Variants in RASSF8 observed in about 807,000 individuals in gnomAD.
RASSF8 encodes the protein ras association domain-containing protein 8.
Under a neutral mutation model 48.5 loss-of-function variants are expected in RASSF8, and 22 were observed. The ratio of observed to expected loss-of-function variants is 0.45; its 90% confidence interval spans 0.32 to 0.65. RASSF8 has a LOEUF of 0.65. Ranked by LOEUF, RASSF8 falls within the 30% of genes least tolerant of loss-of-function variation. The pLI is 0.03. For missense variants in RASSF8, 418 were observed against 489.2 expected, an observed-to-expected ratio of 0.85 and a Z score of 1.37; for synonymous variants, 127 against 171.5, an observed-to-expected ratio of 0.74 and a Z score of 2.03.
At chr12:25,974,056 G>A (rs1941546145) in intron 1 of RASSF8, among the ~76,000 whole-genome samples, 1 of 152,030 alleles carries the variant, frequency 6.6e-6, no homozygotes. Context: ...GAGAAGTTTG[G>A]GGCAAGTGTT....
chr12:26,054,762 G>A (rs535063094), intron 2 of RASSF8, among the ~76,000 whole-genome samples: 3 of 152,276 alleles, frequency 2.0e-5, no homozygotes, highest in Non-Finnish European at 2.9e-5. Context: ...TTTTAAATCA[G>A]GAATGTGAGC....
At chr12:26,057,233 T>G (rs1228567891) in intron 3 of RASSF8, among the ~76,000 whole-genome samples, 1 of 152,052 alleles carries the variant, frequency 6.6e-6, no homozygotes, top group African/African-American at 2.4e-5. Flanking sequence ...CTGCACCCAT[T>G]AAGTCATTTA....
chr12:25,982,892 G>T (rs945163560), intron 1 of RASSF8, among the ~76,000 whole-genome samples: 1 of 152,214 alleles, frequency 6.6e-6, no homozygotes, highest in Non-Finnish European at 1.5e-5. Context: ...GAGGTTTTCA[G>T]TTCTAATTTA....
chr12:25,963,398 T>C (rs1483832280), intron 1 of RASSF8, among the ~76,000 whole-genome samples: 2 of 151,786 alleles, frequency 1.3e-5, no homozygotes, highest in African/African-American at 4.8e-5. Flanking sequence ...ATTTTTGTCA[T>C]GTGGTTGCTC....
At chr12:26,078,422 C>T (rs943789246) in intron 5 of RASSF8, among the ~76,000 whole-genome samples, 1 of 152,128 alleles carries the variant, frequency 6.6e-6, no homozygotes, top group African/African-American at 2.4e-5. Context: ...CCACATCAGG[C>T]TTCAGTGAGA....
At position 26,055,290 on chromosome 12, in the gene RASSF8, A is replaced by T; in HGVS notation, c.-54A>T. ...CCGTGTTCCTGCAGCTAGAGACATGACCTAACACCCTGATGACCACTCTCA... is the reference window on the plus strand; with the variant it reads ...CCGTGTTCCTGCAGCTAGAGACATGTCCTAACACCCTGATGACCACTCTCA... On this transcript the variant is annotated 5_prime_UTR_variant, in exon 3 of 6. Coordinates refer to ENST00000689635, the MANE Select transcript of RASSF8 (RefSeq NM_001394098.1). The T allele has an allele frequency of 7.0e-7, 1 of 1,426,646 alleles. No individual in the cohort carries two copies. Among genetic ancestry groups the T allele is most frequent in the Non-Finnish European group, 9.9e-7 (1 of 1,009,164 alleles). The allele number at this position is 1,426,646 out of a possible 1,614,324, so 88.4% of individuals were successfully genotyped here.
At chr12:26,048,984 C>T (rs1397360217) in intron 2 of RASSF8, among the ~76,000 whole-genome samples, 1 of 152,136 alleles carries the variant, frequency 6.6e-6, no homozygotes, top group Non-Finnish European at 1.5e-5. Flanking sequence ...TCTCGAACTC[C>T]TGACCTCAGG....
chr12:26,016,763 A>G (rs1029333225), intron 2 of RASSF8, among the ~76,000 whole-genome samples: 1 of 152,102 alleles, frequency 6.6e-6, no homozygotes. Context: ...TTCTTGCCTA[A>G]TGTTACTTGA....
intron 2 of RASSF8, among the ~76,000 whole-genome samples, chr12:26,001,648 CTT>C (rs376526039): frequency 1.3e-5 from 2 of 152,042 alleles, no homozygotes; most frequent in African/African-American, 4.8e-5. Context: ...ACCAATATCA[CTT>C]TTCACCTCCA....
intron 2 of RASSF8, among the ~76,000 whole-genome samples, chr12:26,049,815 G>C (rs555579598): frequency 6.6e-6 from 1 of 152,122 alleles, no homozygotes; most frequent in South Asian, 2.1e-4. Flanking sequence ...ACGGAGTCTC[G>C]CTCTGTCACC....
chr12:26,026,436 G>A (rs980030018), intron 2 of RASSF8, among the ~76,000 whole-genome samples: 3 of 152,020 alleles, frequency 2.0e-5, no homozygotes, highest in Non-Finnish European at 4.4e-5. Flanking sequence ...ATATTAGTTA[G>A]TTTATTTTTT....
At chr12:25,994,485 G>A (rs1337387555) in intron 1 of RASSF8, among the ~76,000 whole-genome samples, 1 of 152,144 alleles carries the variant, frequency 6.6e-6, no homozygotes, top group Non-Finnish European at 1.5e-5. Flanking sequence ...CACAGCATTA[G>A]GCAGTAAAAT....
intron 2 of RASSF8, among the ~76,000 whole-genome samples, chr12:26,026,366 A>G (rs943016482): frequency 2.0e-5 from 3 of 152,354 alleles, no homozygotes; most frequent in African/African-American, 7.2e-5. Context: ...GTTTGACGTT[A>G]TTAGCCTTCA....
intron 1 of RASSF8, among the ~76,000 whole-genome samples, chr12:25,967,245 G>T (rs1941380387): frequency 6.6e-6 from 1 of 152,106 alleles, no homozygotes; most frequent in Non-Finnish European, 1.5e-5. Context: ...AGCCTTTGTG[G>T]AAGGCTTTCC....
intron 2 of RASSF8, among the ~76,000 whole-genome samples, chr12:26,049,410 A>G (rs1261427498): frequency 1.3e-5 from 2 of 152,246 alleles, no homozygotes; most frequent in South Asian, 2.1e-4. Context: ...CAATTACTAC[A>G]TAAAAATCTT....
chr12:25,992,050 T>C (rs1468441132), intron 1 of RASSF8, among the ~76,000 whole-genome samples: 1 of 152,212 alleles, frequency 6.6e-6, no homozygotes, highest in Non-Finnish European at 1.5e-5. Context: ...GATAACTGTT[T>C]TTCAGACATG....
intron 2 of RASSF8, among the ~76,000 whole-genome samples, chr12:26,026,806 A>G (rs1396807336): frequency 6.6e-6 from 1 of 152,228 alleles, no homozygotes; most frequent in African/African-American, 2.4e-5. Context: ...GGAATGTAAA[A>G]TATTACAGCT....
At chr12:25,966,936 TA>T (rs1225398799) in intron 1 of RASSF8, among the ~76,000 whole-genome samples, 1 of 152,242 alleles carries the variant, frequency 6.6e-6, no homozygotes, top group Non-Finnish European at 1.5e-5. Flanking sequence ...ATGCATTTTG[TA>T]TTTCTTACAT....
chr12:26,017,177 T>C (rs1942671701), intron 2 of RASSF8, among the ~76,000 whole-genome samples: 1 of 152,180 alleles, frequency 6.6e-6, no homozygotes, highest in Non-Finnish European at 1.5e-5. Context: ...TTGTTAATTA[T>C]AAGTAGGAAT....
Sources: gnomAD v4.1 joint callset for allele counts (sites outside exome capture counted in the v4.1 genomes callset) on GRCh38, gnomAD v4.1.1 for gene constraint, MANE v1.5 for transcripts, NCBI Gene and HGNC (gene_info 2026-07-23, HGNC 2026-07-21) for gene names.